PDE6H: variants seen among roughly 807,000 people sequenced by gnomAD.
PDE6H encodes phosphodiesterase 6H, also known as retinal cone rhodopsin-sensitive cGMP 3',5'-cyclic phosphodiesterase subunit gamma.
A neutral mutation model predicts 9.2 loss-of-function variants in PDE6H; 11 were observed. The observed-to-expected ratio is 1.19, with a 90% CI of 0.75 to 1.97. PDE6H has a LOEUF of 1.97. Ranked by LOEUF, PDE6H falls within the 30% of genes most tolerant of loss-of-function variation. The probability of loss-of-function intolerance (pLI) is 0.00; values close to 1 mark genes in which losing one functional copy is unlikely to be tolerated. For synonymous variants in PDE6H, 36 were observed against 33.6 expected (o/e 1.07, Z -0.25); for missense variants, 98 against 101.5 (o/e 0.97, Z 0.15).
intron 1 of PDE6H, among the ~76,000 whole-genome samples, 167 bp downstream of exon 1, chr12:14,973,253 A>G (rs938166282): frequency 3.9e-5 from 6 of 152,150 alleles, no homozygotes; most frequent in African/African-American, 1.4e-4. Flanking sequence ...ATACATGCAG[A>G]CCTTCTTGTT....
intron 2 of PDE6H, among the ~76,000 whole-genome samples, chr12:14,978,974 G>C (rs886120245): frequency 2.8e-4 from 43 of 152,172 alleles, no homozygotes; most frequent in African/African-American, 9.9e-4. Flanking sequence ...CTACAGGAGA[G>C]AAATATCTCT....
At chr12:14,976,170 A>G (rs997473303) in intron 1 of PDE6H, among the ~76,000 whole-genome samples, 1 of 152,258 alleles carries the variant, frequency 6.6e-6, no homozygotes, top group Non-Finnish European at 1.5e-5. Context: ...TATAATATAT[A>G]TGGCATGATT....
Position 14,979,197 on chromosome 12 carries a change from A to G in PDE6H, c.153A>G (p.Pro51=), listed in dbSNP as rs1380676635. The change falls in exon 3 of 4, where the codon CCA becomes CCG. Residue 51 remains proline, a synonymous_variant. Transcript: ENST00000266395. Reference sequence around the variant, plus strand: ...TCCATAGATTTGGAGATGACATTCCAGGAATGGAGGGGCTAGGAACAGGTA... The same window carrying G: ...TCCATAGATTTGGAGATGACATTCCGGGAATGGAGGGGCTAGGAACAGGTA... The part of the protein sequence containing the change: ...KGVKGFGDDI[P]GMEGLGTDIT... 1 of 1,609,068 alleles carries G rather than the reference A, an allele frequency of 6.2e-7. No homozygotes were observed. The highest frequency in any genetic ancestry group is 8.5e-7 in the Non-Finnish European group (1 of 1,175,430).
intron 1 of PDE6H, 26 bp from the exon 2 acceptor site, chr12:14,977,946 C>A: frequency 1.3e-6 from 2 of 1,514,460 alleles, no homozygotes; most frequent in East Asian, 2.3e-5. Flanking sequence ...GAAAGATCTT[C>A]TTTTTTTTAT....
In PDE6H at chr12:14,976,260, G is replaced by A. The variant is rs950912275; in HGVS notation, c.-41-1712G>A. Among the ~76,000 whole-genome samples the A allele has an allele frequency of 1.1e-4, 16 of 152,158 alleles. 1 individual carries two copies. The highest frequency in any genetic ancestry group is 8.5e-4 in the Admixed American group (13 of 15,282). Reference sequence around the variant, plus strand: ...GCTAGTCCAGTAGGGGATAAAGGAAGGAATCACAGCATGAGCAGGTGGTCC... The same window carrying A: ...GCTAGTCCAGTAGGGGATAAAGGAAAGAATCACAGCATGAGCAGGTGGTCC... On this transcript the variant is annotated intron_variant, in intron 1 of 3. Coordinates refer to ENST00000266395, the MANE Select transcript of PDE6H (RefSeq NM_006205.3).
At chr12:14,974,986 G>T (rs552574447) in intron 1 of PDE6H, among the ~76,000 whole-genome samples, 2 of 152,284 alleles carry the variant, frequency 1.3e-5, no homozygotes, top group Admixed American at 1.3e-4. Flanking sequence ...TAAAAGGAAG[G>T]TCTTGTTTGA....
At chr12:14,974,289 A>T (rs1565470910) in intron 1 of PDE6H, among the ~76,000 whole-genome samples, 1 of 152,246 alleles carries the variant, frequency 6.6e-6, no homozygotes, top group Non-Finnish European at 1.5e-5. Context: ...GTTTATGGAC[A>T]ACAGGACTGG....
chr12:14,973,534 G>A (rs1384450981), intron 1 of PDE6H, among the ~76,000 whole-genome samples: 1 of 152,200 alleles, frequency 6.6e-6, no homozygotes, highest in Non-Finnish European at 1.5e-5. Context: ...AATGACCACA[G>A]GGCAGGGCAG....
intron 3 of PDE6H, 59 bp downstream of exon 3, chr12:14,979,278 A>G: frequency 8.9e-7 from 1 of 1,129,396 alleles, no homozygotes; most frequent in Non-Finnish European, 1.4e-6. Context: ...CTTTTTATAT[A>G]CTTCAGGCCT....
chr12:14,977,856 A>G lies in PDE6H; in HGVS notation c.-41-116A>G, dbSNP rs1220479022. On this transcript the variant is annotated intron_variant, in intron 1 of 3. Transcript: ENST00000266395. ...ACTTCTCCCCTTTTGTGTCAACACA[A>G]AATACTGAGCTTTCTTGTTGAAGTA... 5.8e-6 allele frequency: 4 copies of G among 694,076 alleles called. No individual in the cohort carries two copies. In the African/African-American group the frequency reaches 7.2e-5, roughly 13 times the overall value. The allele number at this position is 694,076 out of a possible 1,614,324, so 43.0% of individuals were successfully genotyped here. A position where few individuals can be genotyped will look rare whatever the true frequency, so the allele number is the denominator to read the frequency against.
At chr12:14,977,610 CTTTAA>C (rs1264022360) in intron 1 of PDE6H, among the ~76,000 whole-genome samples, 2 of 151,972 alleles carry the variant, frequency 1.3e-5, no homozygotes, top group African/African-American at 2.4e-5. Flanking sequence ...TAATGTGAAG[CTTTAA>C]TTTAATTTAT....
intron 1 of PDE6H, among the ~76,000 whole-genome samples, chr12:14,977,539 G>T (rs574946248): frequency 6.6e-6 from 1 of 152,166 alleles, no homozygotes; most frequent in Non-Finnish European, 1.5e-5. Context: ...ATAAATTCAC[G>T]TAGAATGCTT....
intron 1 of PDE6H, among the ~76,000 whole-genome samples, chr12:14,974,165 T>C (rs1470792985): frequency 6.6e-6 from 1 of 152,220 alleles, no homozygotes; most frequent in Non-Finnish European, 1.5e-5. Flanking sequence ...GGAAAAAATA[T>C]GAAACTTCTT....
At position 14,979,170 on chromosome 12, in the gene PDE6H, T is replaced by C; in HGVS notation, c.135-9T>C. The C allele has an allele frequency of 6.3e-6, 10 of 1,599,562 alleles. No individual in the cohort carries two copies. The highest frequency in any genetic ancestry group is 8.6e-6 in the Non-Finnish European group (10 of 1,166,982). On this transcript the variant is annotated splice_polypyrimidine_tract_variant and intron_variant, in intron 2 of 3. Coordinates refer to ENST00000266395, the MANE Select transcript of PDE6H (RefSeq NM_006205.3). ...TCTCAGCTAATTTCTCCTTTATTCTTTTCCATAGATTTGGAGATGACATTC... is the reference window on the plus strand; with the variant it reads ...TCTCAGCTAATTTCTCCTTTATTCTCTTCCATAGATTTGGAGATGACATTC...
At chr12:14,977,098 C>T (rs938158130) in intron 1 of PDE6H, among the ~76,000 whole-genome samples, 1 of 152,182 alleles carries the variant, frequency 6.6e-6, no homozygotes, top group Non-Finnish European at 1.5e-5. Flanking sequence ...GGCTGAAGAA[C>T]CTTATGTCTC....
At chr12:14,981,336 C>T in intron 3 of PDE6H, 64 bp from the exon 4 acceptor site, 2 of 998,408 alleles carry the variant, frequency 2.0e-6, no homozygotes, top group Admixed American at 1.7e-5. Context: ...TGAAGGGTGT[C>T]TTTCTGTGAA....
chr12:14,979,443 C>T (rs1299334602), intron 3 of PDE6H, among the ~76,000 whole-genome samples: 1 of 152,134 alleles, frequency 6.6e-6, no homozygotes, highest in Non-Finnish European at 1.5e-5. Flanking sequence ...TTTCATAAAC[C>T]TTCTTGTTTT....
rs377394177 is a variant in PDE6H at position 14,977,999 on chromosome 12, C to A, written c.-14C>A. ...GGCTGAAAGGGAAACATCAGCCGCC[C>A]GGGGGGAGTTAAAATGAGTGACAAC... is the stretch of plus-strand genomic sequence containing the variant. On this transcript the variant is annotated 5_prime_UTR_variant, in exon 2 of 4. Coordinates refer to ENST00000266395, the MANE Select transcript of PDE6H (RefSeq NM_006205.3). 1.9e-6 allele frequency: 3 copies of A among 1,612,730 alleles called. No individual in the cohort carries two copies. The highest frequency in any genetic ancestry group is 2.5e-6 in the Non-Finnish European group (3 of 1,179,616).
rs185384480 is a variant in PDE6H, at chr12:14,974,048, C to T, written c.-42+962C>T. 3.5e-3 allele frequency among the ~76,000 whole-genome samples: 532 copies of T among 152,310 alleles called. 3 individuals are homozygous for T. Among genetic ancestry groups the T allele is most frequent in the African/African-American group, 0.012 (504 of 41,556 alleles). ...ATTACTTTGCTGCATCCACTTATTT[C>T]TGCAGAAAAACAGTTTGTAATCTTC... is the stretch of plus-strand genomic sequence containing the variant. On this transcript the variant is annotated intron_variant, in intron 1 of 3. Transcript: ENST00000266395.
Sources: allele counts gnomAD v4.1 joint callset (sites outside exome capture counted in the v4.1 genomes callset), GRCh38; gene constraint gnomAD v4.1.1; transcripts MANE v1.5; gene names NCBI Gene and HGNC (gene_info 2026-07-23, HGNC 2026-07-21).